Variants in UNC13A observed in about 807,000 individuals in gnomAD.
The protein encoded by UNC13A is protein unc-13 homolog A.
In UNC13A, 61 loss-of-function variants were observed where a neutral mutation model predicts 219.7. The ratio of observed to expected loss-of-function variants is 0.28; its 90% CI spans 0.23 to 0.34. The LOEUF (loss-of-function observed/expected upper bound fraction) is 0.34. UNC13A is among the 10% of genes least tolerant of loss of function. UNC13A has a pLI of 1.00. For missense variants in UNC13A, 1,476 were observed against 2,270.3 expected, an observed-to-expected ratio of 0.65 and a Z score of 7.11; for synonymous variants, 920 against 884.6, an observed-to-expected ratio of 1.04 and a Z score of -0.71.
chr19:17,610,336 C>G (rs1237589223), intron 42 of UNC13A, among the ~76,000 whole-genome samples: 1 of 152,040 alleles, frequency 6.6e-6, no homozygotes, highest in Non-Finnish European at 1.5e-5. Flanking sequence ...CGTGGTGGCA[C>G]GCGCCTGTAG....
At position 17,641,407 on chromosome 19, in the gene UNC13A, G is replaced by A. The variant is rs373577171; in HGVS notation, c.2622C>T (p.Ile874=). 2,101 of 1,614,016 alleles carry A rather than the reference G, an allele frequency of 1.3e-3. 2 individuals are homozygous for A. The highest frequency in any genetic ancestry group is 1.7e-3 in the Non-Finnish European group (1,995 of 1,179,962). Residue 874 remains isoleucine (I), a synonymous_variant, in exon 21 of 44, where the codon ATC becomes ATT. Transcript: ENST00000519716. The part of the protein sequence containing the change: ...EFAMRYGVES[I]YQAMTHFACL... ...TGCAGTCTCACGTCATGGCTTGGTA[G>A]ATGGACTCGACGCCGTAGCGCATGG...
chr19:17,604,161 C>T lies in UNC13A; in HGVS notation c.*1893G>A, dbSNP rs2076496593. On this transcript the variant is annotated 3_prime_UTR_variant, in exon 44 of 44. Transcript: ENST00000519716. The stretch of plus-strand genomic sequence containing the variant: ...TCTTTCCAAGAATCCATTTCAGTGT[C>T]CCCAAAGCACCTCCACCTCTCCTCA... 2 of 152,206 alleles carry T rather than the reference C, an allele frequency of 1.3e-5. No homozygotes were observed. Among genetic ancestry groups the T allele is most frequent in the South Asian group, 4.1e-4 (2 of 4,830 alleles). The allele number at this position is 152,206 out of a possible 1,614,324, so 9.4% of individuals were successfully genotyped here.
At chr19:17,621,757 C>T in intron 37 of UNC13A, 75 bp downstream of exon 37, 18 of 1,535,006 alleles carry the variant, frequency 1.2e-5, no homozygotes, top group Non-Finnish European at 1.6e-5. Flanking sequence ...TGCCCAGGTG[C>T]ACAGACGCAC....
Position 17,606,229 on chromosome 19 carries a change from C to T in UNC13A, c.4937G>A (p.Arg1646His), listed in dbSNP as rs1417486551. ...CGGCAGCCAGCAGGCGGCGCTCCCG[C>T]GCTGGGCCAGCTCACGCAGCTGCAG... ...AVLQLRELAQ[R>H]GSAACWLPLG... is the part of the protein sequence containing the mutation. Residue 1646 changes from arginine (R) to histidine (H), a missense_variant, in exon 44 of 44, where the codon CGC (arginine) becomes CAC (histidine). By Grantham distance (29) the Arg-to-His change is conservative. Transcript: ENST00000519716. The T allele has an allele frequency of 1.2e-5, 19 of 1,551,012 alleles. No homozygotes were observed. The highest frequency in any genetic ancestry group is 1.7e-5 in the Non-Finnish European group (19 of 1,148,610).
intron 16 of UNC13A, among the ~76,000 whole-genome samples, chr19:17,647,790 A>ACCCCTCTGAGTCCCCGC (rs2079265266): frequency 4.1e-5 from 1 of 24,164 alleles, no homozygotes; most frequent in Admixed American, 4.4e-4. Context: ...CCTAAGCCCC[A>ACCCCTCTGAGTCCCCGC]CCCCTCTGAG....
chr19:17,609,124 A>ATTTTTTTTTTTTT (rs71162159), intron 43 of UNC13A, among the ~76,000 whole-genome samples: 1 of 128,372 alleles, frequency 7.8e-6, no homozygotes, highest in Non-Finnish European at 1.6e-5. Flanking sequence ...CACCCGGCTA[A>ATTTTTTTTTTTTT]TTTTTTTTTT....
intron 1 of UNC13A, among the ~76,000 whole-genome samples, chr19:17,687,744 G>A (rs948700017): frequency 1.3e-5 from 2 of 151,780 alleles, no homozygotes; most frequent in African/African-American, 4.8e-5. Flanking sequence ...AGCCGGGTCC[G>A]CGTCCATGAG....
chr19:17,628,347 C>A, intron 31 of UNC13A: 1 of 221,130 alleles, frequency 4.5e-6, no homozygotes, highest in Non-Finnish European at 9.1e-6. Flanking sequence ...CACGAGACCC[C>A]CCCCACAGAT....
At chr19:17,652,551 T>C (rs992299967) in intron 12 of UNC13A, 80 bp downstream of exon 12, 11 of 1,586,340 alleles carry the variant, frequency 6.9e-6, no homozygotes, top group Non-Finnish European at 9.5e-6. Context: ...TCCTCCTCTC[T>C]GGGCTGAGGC....
chr19:17,640,654 C>A lies in UNC13A; in HGVS notation c.2644G>T (p.Ala882Ser). 6.3e-7 allele frequency: 1 copy of A among 1,586,638 alleles called. No homozygotes were observed. Among genetic ancestry groups the A allele is most frequent in the Admixed American group, 1.8e-5 (1 of 55,886 alleles). The change falls in exon 22 of 44, where the codon GCC becomes TCC. Residue 882 changes from alanine (A) to serine (S), a missense_variant. By Grantham distance (99) the Ala-to-Ser change is moderately conservative. Around this residue, in one of 14 missense-constraint regions of UNC13A, gnomAD observed 140 missense variants for 270.9 expected, o/e 0.52. Transcript: ENST00000519716. ...ESIYQAMTHF[A>S]CLSSKYMCPG... The stretch of plus-strand genomic sequence containing the variant: ...CACATATACTTGGAGGAGAGGCAGG[C>A]AAAGTGGCTGGAGAGAGGGAGCAGG...
At chr19:17,625,999 A>T (rs2076779230) in intron 34 of UNC13A, among the ~76,000 whole-genome samples, 1 of 150,106 alleles carries the variant, frequency 6.7e-6, no homozygotes. Context: ...ACATCAAAAC[A>T]TTTATTCATT....
chr19:17,603,771 A>G lies in UNC13A; in HGVS notation c.*2283T>C, dbSNP rs1003664208. ...TGCAACTGGGACAACTGTACTCAGCAGCCCTAGAGCTCATCTAAGGGCAGG... is the reference window on the plus strand; with the variant it reads ...TGCAACTGGGACAACTGTACTCAGCGGCCCTAGAGCTCATCTAAGGGCAGG... On this transcript the variant is annotated 3_prime_UTR_variant, in exon 44 of 44. Coordinates refer to ENST00000519716, the MANE Select transcript of UNC13A (RefSeq NM_001080421.3). The G allele has an allele frequency of 6.6e-6, 1 of 150,778 alleles. No individual in the cohort carries two copies. The highest frequency in any genetic ancestry group is 2.4e-5 in the African/African-American group (1 of 40,866). 9.3% of individuals were successfully genotyped at this position (150,778 alleles called of 1,614,324 possible).
chr19:17,677,249 T>A (rs1041477390), intron 1 of UNC13A, among the ~76,000 whole-genome samples: 2 of 152,096 alleles, frequency 1.3e-5, no homozygotes, highest in African/African-American at 4.8e-5. Flanking sequence ...CCAACACCTC[T>A]CACACCTTGC....
Position 17,647,255 on chromosome 19 carries a change from G to C in UNC13A, c.2044+10C>G, listed in dbSNP as rs1369752575. 2 of 1,558,340 alleles carry C rather than the reference G, an allele frequency of 1.3e-6. No homozygotes were observed. The highest frequency in any genetic ancestry group is 1.7e-6 in the Non-Finnish European group (2 of 1,151,770). On this transcript the variant is annotated intron_variant, in intron 17 of 43. Coordinates refer to ENST00000519716, the MANE Select transcript of UNC13A (RefSeq NM_001080421.3). ...AAGGAGGGGCCCTATGGCGGCCCAC[G>C]CCCCCTCACCGGTGATGCTGATCTT... is the stretch of plus-strand genomic sequence containing the variant.
At chr19:17,683,253 T>A (rs2080051634) in intron 1 of UNC13A, among the ~76,000 whole-genome samples, 1 of 152,142 alleles carries the variant, frequency 6.6e-6, no homozygotes, top group South Asian at 2.1e-4. Context: ...TAAAGCTCCC[T>A]GAGCCTCAGT....
chr19:17,661,025 A>G (rs2079541761), intron 8 of UNC13A, among the ~76,000 whole-genome samples: 1 of 151,210 alleles, frequency 6.6e-6, no homozygotes, highest in African/African-American at 2.4e-5. Flanking sequence ...TGCAGTCCCA[A>G]CCTCCTGGGC....
At chr19:17,626,593 G>C in intron 34 of UNC13A, 40 bp downstream of exon 34, 2 of 1,505,098 alleles carry the variant, frequency 1.3e-6, no homozygotes, top group Non-Finnish European at 1.8e-6. Context: ...CCCTGCCCCA[G>C]CCCCTCCCCG....
chr19:17,674,027 C>A lies in UNC13A; in HGVS notation c.152+630G>T, dbSNP rs577788585. 2.4e-4 allele frequency among the ~76,000 whole-genome samples: 37 copies of A among 152,202 alleles called. No homozygotes were observed. The highest frequency in any genetic ancestry group is 4.1e-4 in the Non-Finnish European group (28 of 68,036). On this transcript the variant is annotated intron_variant, in intron 3 of 43. Transcript: ENST00000519716. This position sits in a 1 kb window ranked among gnomAD's most constrained non-coding sequence, Gnocchi z 5.0. ...CTCTGCCTCAAAACAAACAAACAAACAAACAAAATTGGTGGCAAGGCCTGG... is the reference window on the plus strand; with the variant it reads ...CTCTGCCTCAAAACAAACAAACAAAAAAACAAAATTGGTGGCAAGGCCTGG...
Position 17,611,838 on chromosome 19 carries a change from G to A in UNC13A, c.4576C>T (p.Pro1526Ser), listed in dbSNP as rs2076607148. The stretch of plus-strand genomic sequence containing the variant: ...ACATGGACAGAGACTTCACCCACAG[G>A]GTCTTCTACACCCAAGCCTGGGCAG... Reference protein sequence around the residue: ...QSAQGLGVEDPVGEVSVHVEL... With the variant: ...QSAQGLGVEDSVGEVSVHVEL... Residue 1526 changes from proline (P) to serine (S), a missense_variant, in exon 42 of 44, where the codon CCT becomes TCT. Coordinates refer to ENST00000519716, the MANE Select transcript of UNC13A (RefSeq NM_001080421.3). 2 of 1,613,992 alleles carry A rather than the reference G, an allele frequency of 1.2e-6. No homozygotes were observed. Among genetic ancestry groups the A allele is most frequent in the Middle Eastern group, 1.7e-4 (1 of 6,060 alleles).
Sources: allele counts gnomAD v4.1 joint callset (sites outside exome capture counted in the v4.1 genomes callset), GRCh38; gene constraint gnomAD v4.1.1; regional missense constraint gnomAD v4.1.1; non-coding constraint Gnocchi (gnomAD v3.1); transcripts MANE v1.5; gene names NCBI Gene and HGNC (gene_info 2026-07-23, HGNC 2026-07-21).